EPB41L4A: variants seen among roughly 807,000 people sequenced by gnomAD.
EPB41L4A encodes the protein band 4.1-like protein 4A.
EPB41L4A carries 100 observed loss-of-function variants against 108.6 expected under a neutral mutation model. That is an observed-to-expected ratio of 0.92 (90% CI 0.78 to 1.09). The LOEUF (loss-of-function observed/expected upper bound fraction) is 1.09, where lower values mean the gene tolerates loss of function less well. Ranked by LOEUF, EPB41L4A falls within the 50% of genes least tolerant of loss-of-function variation. The pLI is 0.00. For missense variants in EPB41L4A, 1,030 were observed against 842.7 expected (o/e 1.22, Z -2.75); for synonymous variants, 319 against 289.0 (o/e 1.10, Z -1.05).
intron 18 of EPB41L4A, chr5:112,173,477 C>T (rs1241617240): frequency 3.3e-5 from 5 of 151,626 alleles, no homozygotes; most frequent in Non-Finnish European, 7.4e-5. Context: ...CTTGTTTATG[C>T]TTTTCTATAT....
rs945891335 is a variant in EPB41L4A, at chr5:112,281,512, G to A, written c.205-1189C>T. 4.6e-5 allele frequency among the ~76,000 whole-genome samples: 7 copies of A among 152,254 alleles called. No individual in the cohort carries two copies. In the East Asian group the frequency reaches 1.2e-3, roughly 25 times the overall value. On this transcript the variant is annotated intron_variant, in intron 2 of 22. Coordinates refer to ENST00000261486, the MANE Select transcript of EPB41L4A (RefSeq NM_022140.5). The stretch of plus-strand genomic sequence containing the variant: ...GTCAGGGGAGGGCAGAGATGGAATC[G>A]CTCCCACACTCTCCTAGCCAGATGC...
chr5:112,257,001 A>G (rs1490985272), intron 9 of EPB41L4A: 1 of 152,214 alleles, frequency 6.6e-6, no homozygotes, highest in Admixed American at 6.5e-5. Flanking sequence ...GCCTAAATGC[A>G]ATGACCATAC....
intron 11 of EPB41L4A, among the ~76,000 whole-genome samples, chr5:112,239,204 G>A (rs529384519): frequency 6.6e-6 from 1 of 152,330 alleles, no homozygotes; most frequent in Admixed American, 6.5e-5. Context: ...ATAAAGTTGA[G>A]ATATAATTGC....
At chr5:112,158,112 G>T (rs974579688), downstream of EPB41L4A, among the ~76,000 whole-genome samples, 2 of 152,204 alleles carry the variant, frequency 1.3e-5, no homozygotes. Flanking sequence ...GCCTTCCTCT[G>T]CCTAATTTTG....
At chr5:112,327,447 G>A (rs969803902) in intron 1 of EPB41L4A, among the ~76,000 whole-genome samples, 21 of 152,162 alleles carry the variant, frequency 1.4e-4, no homozygotes, top group Non-Finnish European at 1.3e-4. Context: ...TGGGTGCAGT[G>A]GCTCACACCT....
intron 15 of EPB41L4A, 64 bp from the exon 16 acceptor site, chr5:112,195,772 C>T (rs186187376): frequency 3.5e-6 from 5 of 1,413,392 alleles, no homozygotes; most frequent in East Asian, 2.3e-5. Context: ...GGAAAGCACA[C>T]CAAAATGAGT....
intron 2 of EPB41L4A, among the ~76,000 whole-genome samples, chr5:112,283,682 T>C (rs966242661): frequency 2.0e-5 from 3 of 152,228 alleles, no homozygotes; most frequent in Non-Finnish European, 2.9e-5. Flanking sequence ...ATATCCACTA[T>C]ACATGTTCTT....
At chr5:112,229,756 A>C (rs1193505054) in intron 12 of EPB41L4A, among the ~76,000 whole-genome samples, 1 of 152,152 alleles carries the variant, frequency 6.6e-6, no homozygotes, top group Non-Finnish European at 1.5e-5. Context: ...TCGGAGGCCA[A>C]GGCAGATGGA....
intron 11 of EPB41L4A, among the ~76,000 whole-genome samples, chr5:112,237,028 A>AG (rs1267404603): frequency 1.3e-5 from 2 of 152,182 alleles, no homozygotes; most frequent in Non-Finnish European, 2.9e-5. Flanking sequence ...CTGGGTTCCC[A>AG]GGGGAGTTTC....
intron 2 of EPB41L4A, among the ~76,000 whole-genome samples, chr5:112,304,763 C>CTA (rs745427699): frequency 6.6e-6 from 1 of 152,270 alleles, no homozygotes; most frequent in Non-Finnish European, 1.5e-5. Flanking sequence ...CTACAAAGAG[C>CTA]TATCATGTGT....
At chr5:112,282,782 C>A (rs954227096) in intron 2 of EPB41L4A, among the ~76,000 whole-genome samples, 1 of 152,218 alleles carries the variant, frequency 6.6e-6, no homozygotes, top group African/African-American at 2.4e-5. Context: ...GGTCTTATTA[C>A]TGTCTGTCTA....
At chr5:112,161,733 C>T (rs1157881869), downstream of EPB41L4A, 6 of 446,796 alleles carry the variant, frequency 1.3e-5, no homozygotes, top group Admixed American at 1.4e-4. Context: ...GTGTAGACTG[C>T]TGCTAGCTGA....
intron 1 of EPB41L4A, among the ~76,000 whole-genome samples, chr5:112,375,185 C>T (rs1198266320): frequency 1.3e-5 from 2 of 152,092 alleles, no homozygotes; most frequent in African/African-American, 2.4e-5. Flanking sequence ...AGAAACACTA[C>T]GGTCCCAGAG....
intron 1 of EPB41L4A, among the ~76,000 whole-genome samples, chr5:112,394,813 A>C (rs1219518352): frequency 2.0e-5 from 3 of 152,232 alleles, no homozygotes; most frequent in African/African-American, 7.2e-5. Flanking sequence ...ACAAAGCTGG[A>C]GGCATCATGC....
chr5:112,259,276 C>T lies in EPB41L4A; in HGVS notation c.748G>A (p.Val250Ile), dbSNP rs1250779238. 2.5e-6 allele frequency: 4 copies of T among 1,613,962 alleles called. No individual in the cohort carries two copies. Among genetic ancestry groups the T allele is most frequent in the Non-Finnish European group, 3.4e-6 (4 of 1,179,840 alleles). ...TCAAATTGAGTCTCCTTGAAGTGAA[C>T]CTTTGTAATCCGAGGCCTAAAAAAC... The part of the protein sequence containing the change: ...GKYFWPRITK[V>I]HFKETQFELR... Residue 250 changes from valine (V) to isoleucine (I), a missense_variant, in exon 9 of 23, where the codon GTT becomes ATT. Coordinates refer to ENST00000261486, the MANE Select transcript of EPB41L4A (RefSeq NM_022140.5).
At position 112,272,854 on chromosome 5, in the gene EPB41L4A, C is replaced by CA. The variant is rs151266673; in HGVS notation, c.335+2471dup. Among the ~76,000 whole-genome samples, 22 of 148,474 alleles carry CA rather than the reference C, an allele frequency of 1.5e-4. 1 individual carries two copies. Among genetic ancestry groups the CA allele is most frequent in the South Asian group, 8.5e-4 (4 of 4,712 alleles). On this transcript the variant is annotated intron_variant, in intron 4 of 22. Coordinates refer to ENST00000261486, the MANE Select transcript of EPB41L4A (RefSeq NM_022140.5). The stretch of plus-strand genomic sequence containing the variant: ...CAATATGTATGAAATAGTAACATGT[C>CA]AAAAAAAATACATAAAAGATTATGT...
chr5:112,396,695 G>C (rs1431805741), intron 1 of EPB41L4A, among the ~76,000 whole-genome samples: 3 of 152,110 alleles, frequency 2.0e-5, no homozygotes, highest in Non-Finnish European at 4.4e-5. Flanking sequence ...CCACAGGTCA[G>C]CTGGCTTTCC....
chr5:112,178,740 G>A (rs1298345065), intron 18 of EPB41L4A, among the ~76,000 whole-genome samples: 2 of 151,532 alleles, frequency 1.3e-5, no homozygotes, highest in Non-Finnish European at 2.9e-5. Flanking sequence ...CAAAAACAAT[G>A]TCAAAAACAT....
rs141702349 is a variant in EPB41L4A at position 112,164,775 on chromosome 5, G to C, written c.*215C>G. 513 of 363,358 alleles carry C rather than the reference G, an allele frequency of 1.4e-3. 2 individuals are homozygous for C. Among genetic ancestry groups the C allele is most frequent in the African/African-American group, 9.8e-3 (458 of 46,502 alleles). 22.5% of individuals were successfully genotyped at this position (363,358 alleles called of 1,614,324 possible). On this transcript the variant is annotated 3_prime_UTR_variant, in exon 23 of 23. Coordinates refer to ENST00000261486, the MANE Select transcript of EPB41L4A (RefSeq NM_022140.5). ...GCTTAACCCAGTAAGTGGAGGCTGCGGTGAGCTGACACGGTGCCGCTGCAC... is the reference window on the plus strand; with the variant it reads ...GCTTAACCCAGTAAGTGGAGGCTGCCGTGAGCTGACACGGTGCCGCTGCAC...
Sources: allele counts gnomAD v4.1 joint callset (sites outside exome capture counted in the v4.1 genomes callset), GRCh38; gene constraint gnomAD v4.1.1; transcripts MANE v1.5; gene names NCBI Gene and HGNC (gene_info 2026-07-23, HGNC 2026-07-21).